DENND1A: variants seen among roughly 807,000 people sequenced by gnomAD.
DENND1A encodes DENN domain-containing protein 1A.
DENND1A carries 51 observed loss-of-function variants against 113.7 expected under a neutral mutation model. The ratio of observed to expected loss-of-function variants is 0.45; its 90% CI spans 0.36 to 0.57. DENND1A has a LOEUF of 0.57. DENND1A is among the 20% of genes least tolerant of loss of function. The pLI, the probability that DENND1A is intolerant of heterozygous loss-of-function variation, is 0.00. For missense variants in DENND1A, 1,258 were observed against 1,395.9 expected (o/e 0.90, Z 1.57); for synonymous variants, 565 against 570.8 (o/e 0.99, Z 0.14).
At chr9:123,712,235 C>T in intron 5 of DENND1A, among the ~76,000 whole-genome samples, 1 of 152,248 alleles carries the variant, frequency 6.6e-6, no homozygotes, top group East Asian at 1.9e-4. Context: ...CTCTCTTCCT[C>T]ACCCTCAGTA....
At chr9:123,800,438 T>A (rs987733472) in intron 2 of DENND1A, among the ~76,000 whole-genome samples, 2 of 152,208 alleles carry the variant, frequency 1.3e-5, no homozygotes, top group Non-Finnish European at 2.9e-5. Flanking sequence ...ATTTAATAAA[T>A]AAGAAGAGTG....
At chr9:123,823,952 T>C (rs770816035) in intron 2 of DENND1A, among the ~76,000 whole-genome samples, 5 of 152,176 alleles carry the variant, frequency 3.3e-5, no homozygotes, top group Admixed American at 6.5e-5. Flanking sequence ...GAGATGTCTA[T>C]GAGAAGAAAG....
At chr9:123,495,647 C>G (rs1268780544) in intron 13 of DENND1A, among the ~76,000 whole-genome samples, 1 of 152,238 alleles carries the variant, frequency 6.6e-6, no homozygotes, top group South Asian at 2.1e-4. Context: ...TTAGAAGGAC[C>G]GTAGGTTAGA....
At chr9:123,867,139 C>G (rs1286218603) in intron 2 of DENND1A, among the ~76,000 whole-genome samples, 1 of 152,028 alleles carries the variant, frequency 6.6e-6, no homozygotes, top group Non-Finnish European at 1.5e-5. Context: ...CTAAAGAAAG[C>G]CTTTGAGCGG....
intron 11 of DENND1A, among the ~76,000 whole-genome samples, chr9:123,605,645 T>C (rs1325135628): frequency 6.6e-6 from 1 of 152,214 alleles, no homozygotes; most frequent in Non-Finnish European, 1.5e-5. Flanking sequence ...CACTTGTCAC[T>C]TTGGGAGGAA....
intron 13 of DENND1A, among the ~76,000 whole-genome samples, chr9:123,471,089 T>C (rs1414542413): frequency 6.6e-6 from 1 of 152,204 alleles, no homozygotes; most frequent in Non-Finnish European, 1.5e-5. Flanking sequence ...TGCTTTCTAA[T>C]GTGAATGTGT....
intron 10 of DENND1A, among the ~76,000 whole-genome samples, chr9:123,617,119 C>T (rs1201937250): frequency 6.6e-6 from 1 of 152,198 alleles, no homozygotes; most frequent in Non-Finnish European, 1.5e-5. Context: ...TATGGGGTAA[C>T]TGCCATGAGG....
chr9:123,861,783 TAA>T (rs1264318454), intron 2 of DENND1A, among the ~76,000 whole-genome samples: 1 of 152,196 alleles, frequency 6.6e-6, no homozygotes, highest in Non-Finnish European at 1.5e-5. Flanking sequence ...GGTTTTCTTG[TAA>T]AGTCTTGGGA....
chr9:123,785,034 C>T lies in DENND1A; in HGVS notation c.132+7553G>A, dbSNP rs897623482. On this transcript the variant is annotated intron_variant, in intron 3 of 23. Coordinates refer to ENST00000394215, the MANE Select transcript of DENND1A (RefSeq NM_001352964.2). ...ACAAAAACTCAGCATATGGACATTA[C>T]TGAATAGTACCTCTTATATACAAAG... is the stretch of plus-strand genomic sequence containing the variant. Among the ~76,000 whole-genome samples, 5 of 152,100 alleles carry T rather than the reference C, an allele frequency of 3.3e-5. No individual in the cohort carries two copies. In the East Asian group the frequency reaches 9.6e-4, roughly 29 times the overall value.
At chr9:123,708,814 T>C (rs991614437) in intron 5 of DENND1A, among the ~76,000 whole-genome samples, 23 of 152,184 alleles carry the variant, frequency 1.5e-4, no homozygotes, top group African/African-American at 5.1e-4. Flanking sequence ...GCATTCTCAG[T>C]ACCTAAGACT....
chr9:123,383,463 C>A (rs1049730364), intron 23 of DENND1A, among the ~76,000 whole-genome samples, 192 bp downstream of exon 23: 2 of 152,176 alleles, frequency 1.3e-5, no homozygotes, highest in African/African-American at 2.4e-5. Flanking sequence ...CTTCTCCTAC[C>A]GTCACTGTTA....
chr9:123,494,836 G>T (rs901995452), intron 13 of DENND1A, among the ~76,000 whole-genome samples: 1 of 151,936 alleles, frequency 6.6e-6, no homozygotes, highest in African/African-American at 2.4e-5. Flanking sequence ...CTGTTGCCCA[G>T]GTTGGAGTGC....
intron 12 of DENND1A, among the ~76,000 whole-genome samples, chr9:123,580,196 A>T (rs2058823977): frequency 6.6e-6 from 1 of 152,190 alleles, no homozygotes; most frequent in South Asian, 2.1e-4. Context: ...TTAATGTGGA[A>T]AACTGAGGCT....
Position 123,780,076 on chromosome 9 carries a change from A to G in DENND1A, c.133-10513T>C, listed in dbSNP as rs558731964. Among the ~76,000 whole-genome samples, 5 of 152,036 alleles carry G rather than the reference A, an allele frequency of 3.3e-5. No homozygotes were observed. The South Asian group carries it at 1.0e-3, about 32-fold the overall frequency. ...GCCATGTTGGCCAGGCTAGTCTCGAACTCCTGACGTCAAGTGATCTGCCTG... is the reference window on the plus strand; with the variant it reads ...GCCATGTTGGCCAGGCTAGTCTCGAGCTCCTGACGTCAAGTGATCTGCCTG... On this transcript the variant is annotated intron_variant, in intron 3 of 23. Coordinates refer to ENST00000394215, the MANE Select transcript of DENND1A (RefSeq NM_001352964.2).
chr9:123,913,962 T>C (rs1356814027), intron 1 of DENND1A, among the ~76,000 whole-genome samples: 1 of 151,590 alleles, frequency 6.6e-6, no homozygotes, highest in Admixed American at 6.6e-5. Context: ...TCAGGCACTT[T>C]CTGCACTGCA....
chr9:123,580,497 C>T (rs2058836479), intron 12 of DENND1A, among the ~76,000 whole-genome samples: 1 of 152,258 alleles, frequency 6.6e-6, no homozygotes, highest in Non-Finnish European at 1.5e-5. Flanking sequence ...AGGGTCAGAG[C>T]AGTGCAGGTG....
intron 5 of DENND1A, among the ~76,000 whole-genome samples, chr9:123,739,937 A>G (rs2068863556): frequency 6.6e-6 from 1 of 150,460 alleles, no homozygotes; most frequent in South Asian, 2.1e-4. Context: ...AAAAAAAAAA[A>G]GGCTTCATAT....
intron 2 of DENND1A, chr9:123,798,365 A>G (rs989108400): frequency 6.6e-6 from 1 of 152,170 alleles, no homozygotes; most frequent in African/African-American, 2.4e-5. Context: ...ATTTATGCAT[A>G]AACAGCAGAC....
chr9:123,715,414 CT>C (rs1418589008), intron 5 of DENND1A, among the ~76,000 whole-genome samples: 1 of 152,148 alleles, frequency 6.6e-6, no homozygotes, highest in Non-Finnish European at 1.5e-5. Context: ...GAAAGTACAA[CT>C]CTCATTCATT....
Sources: gnomAD v4.1 joint callset for allele counts (sites outside exome capture counted in the v4.1 genomes callset) on GRCh38, gnomAD v4.1.1 for gene constraint, MANE v1.5 for transcripts, NCBI Gene and HGNC (gene_info 2026-07-23, HGNC 2026-07-21) for gene names.